Variants in CENPC observed in about 807,000 individuals in gnomAD.
The protein encoded by CENPC is CENP-C 1.
Under a neutral mutation model 112.1 loss-of-function variants are expected in CENPC, and 63 were observed. That is an observed-to-expected ratio of 0.56 (90% CI 0.46 to 0.69). The LOEUF is 0.69. CENPC is among the 30% of genes least tolerant of loss of function. The pLI is 0.00. For synonymous variants in CENPC, 333 were observed against 367.6 expected, an observed-to-expected ratio of 0.91 and a Z score of 1.08; for missense variants, 1,000 against 1,103.8, an observed-to-expected ratio of 0.91 and a Z score of 1.33.
chr4:67,474,607 A>G, intron 18 of CENPC: 1 of 316,816 alleles, frequency 3.2e-6, no homozygotes, highest in Non-Finnish European at 5.8e-6. Flanking sequence ...CTGAGGCACA[A>G]GAATCGCTTG....
Position 67,512,403 on chromosome 4 carries a change from C to T in CENPC, c.1611G>A (p.Glu537=). The change falls in exon 9 of 19, where the codon GAG becomes GAA. Residue 537 remains glutamate (E), a splice_region_variant and synonymous_variant. Coordinates refer to ENST00000273853, the MANE Select transcript of CENPC (RefSeq NM_001812.4). ...PSDWWVVKSE[E]SPVYSNSSVR... is the part of the protein sequence containing the mutation. ...CACAATTTAAATAAAAATACTTACTCTCCTCTGATTTTACCACCCACCAAT... is the reference window on the plus strand; with the variant it reads ...CACAATTTAAATAAAAATACTTACTTTCCTCTGATTTTACCACCCACCAAT... The T allele has an allele frequency of 6.3e-7, 1 of 1,580,296 alleles. No homozygotes were observed. Among genetic ancestry groups the T allele is most frequent in the Non-Finnish European group, 8.6e-7 (1 of 1,164,018 alleles).
At chr4:67,544,527 A>G (rs538479536) in intron 1 of CENPC, among the ~76,000 whole-genome samples, 24 of 152,232 alleles carry the variant, frequency 1.6e-4, no homozygotes, top group Non-Finnish European at 2.8e-4. Flanking sequence ...CTTTATGTTT[A>G]TATGTATAAC....
In CENPC at chr4:67,472,358, ATTC is replaced by A. The variant is rs1724688748; in HGVS notation, c.*244_*246del. On this transcript the variant is annotated 3_prime_UTR_variant, in exon 19 of 19. Coordinates refer to ENST00000273853, the MANE Select transcript of CENPC (RefSeq NM_001812.4). Reference sequence around the variant, plus strand: ...GAAATGTTCTATATTTCATTTTCATATTCTTGTCAAATTATAAAAATAATATCA... The same window carrying A: ...GAAATGTTCTATATTTCATTTTCATATTGTCAAATTATAAAAATAATATCA... 6 of 327,206 alleles carry A rather than the reference ATTC, an allele frequency of 1.8e-5. No individual in the cohort carries two copies. Among genetic ancestry groups the A allele is most frequent in the Non-Finnish European group, 2.5e-5 (5 of 202,490 alleles). 20.3% of individuals were successfully genotyped at this position (327,206 alleles called of 1,614,324 possible).
chr4:67,477,981 A>G (rs924643614), intron 17 of CENPC, among the ~76,000 whole-genome samples: 9 of 152,102 alleles, frequency 5.9e-5, no homozygotes, highest in Non-Finnish European at 1.3e-4. Flanking sequence ...CTTTTGAATT[A>G]ACCCAATCAA....
chr4:67,538,811 CG>C (rs990900644), intron 4 of CENPC, among the ~76,000 whole-genome samples: 1 of 152,152 alleles, frequency 6.6e-6, no homozygotes, highest in African/African-American at 2.4e-5. Context: ...CCATAAGTAA[CG>C]GGACACAGTA....
chr4:67,523,893 C>A (rs1726299480), intron 5 of CENPC, among the ~76,000 whole-genome samples: 1 of 151,872 alleles, frequency 6.6e-6, no homozygotes, highest in Admixed American at 6.6e-5. Flanking sequence ...AAAAATGGGC[C>A]ATGTCAAAGG....
chr4:67,478,709 TACCTCACATC>T (rs1560417947), intron 17 of CENPC, among the ~76,000 whole-genome samples: 9 of 150,442 alleles, frequency 6.0e-5, no homozygotes, highest in Non-Finnish European at 8.9e-5. Context: ...AACAGAACAG[TACCTCACATC>T]TCAATACTAA....
intron 5 of CENPC, among the ~76,000 whole-genome samples, chr4:67,530,229 G>A (rs7683427): frequency 6.6e-6 from 1 of 151,962 alleles, no homozygotes; most frequent in Non-Finnish European, 1.5e-5. Flanking sequence ...AAACATAAAG[G>A]TGCTCAAACT....
At chr4:67,541,802 T>C (rs891572149) in intron 2 of CENPC, among the ~76,000 whole-genome samples, 2 of 152,152 alleles carry the variant, frequency 1.3e-5, no homozygotes, top group African/African-American at 2.4e-5. Context: ...AAAGATCCTC[T>C]ATTGTCCTTT....
chr4:67,495,245 T>G, intron 12 of CENPC, 33 bp from the exon 13 acceptor site: 1 of 1,468,238 alleles, frequency 6.8e-7, no homozygotes, highest in African/African-American at 1.4e-5. Context: ...TCATAAGAAA[T>G]GACTGCTAAT....
chr4:67,514,134 T>A lies in CENPC; in HGVS notation c.1384A>T (p.Met462Leu). 6.2e-7 allele frequency: 1 copy of A among 1,610,422 alleles called. No individual in the cohort carries two copies. The highest frequency in any genetic ancestry group is 8.5e-7 in the Non-Finnish European group (1 of 1,178,654). Residue 462 changes from methionine to leucine, a missense_variant, in exon 8 of 19, where the codon ATG (methionine) becomes TTG (leucine). Met to Leu is a conservative substitution (Grantham distance 15, BLOSUM62 2). Coordinates refer to ENST00000273853, the MANE Select transcript of CENPC (RefSeq NM_001812.4). Reference sequence around the variant, plus strand: ...TTTCCCATCTCTTCATGCTCTTCCATATTTCTGTCTGAATTTCTTTGAAAT... The same window carrying A: ...TTTCCCATCTCTTCATGCTCTTCCAAATTTCTGTCTGAATTTCTTTGAAAT... ...DEFQRNSDRN[M>L]EEHEEMGNDC...
In CENPC at chr4:67,493,841, C is replaced by T. The variant is rs752000874; in HGVS notation, c.2290+43G>A. The T allele has an allele frequency of 1.7e-5, 23 of 1,380,154 alleles. 1 individual carries two copies. The South Asian group carries it at 2.7e-4, about 16-fold the overall frequency. The allele number at this position is 1,380,154 out of a possible 1,614,324, so 85.5% of individuals were successfully genotyped here. A position where few individuals can be genotyped will look rare whatever the true frequency, so the allele number is the denominator to read the frequency against. ...AGTGCAGTGTCTGGCACATAGTAAA[C>T]AAATTTTTTATTGACAGATATTATA... is the stretch of plus-strand genomic sequence containing the variant. On this transcript the variant is annotated intron_variant, in intron 14 of 18. Coordinates refer to ENST00000273853, the MANE Select transcript of CENPC (RefSeq NM_001812.4).
At chr4:67,511,780 A>G (rs1297124795) in intron 9 of CENPC, among the ~76,000 whole-genome samples, 1 of 152,048 alleles carries the variant, frequency 6.6e-6, no homozygotes, top group Non-Finnish European at 1.5e-5. Flanking sequence ...ATTTGTCACA[A>G]CTCATTGCTA....
At chr4:67,498,368 T>G (rs1414368113) in intron 12 of CENPC, among the ~76,000 whole-genome samples, 2 of 152,228 alleles carry the variant, frequency 1.3e-5, no homozygotes, top group African/African-American at 2.4e-5. Flanking sequence ...GGGGTGTCTG[T>G]GGCAGTTTCT....
At position 67,508,941 on chromosome 4, in the gene CENPC, TC is replaced by T. The variant is rs1725813309; in HGVS notation, c.1776del (p.Lys593SerfsTer3). 6.2e-7 allele frequency: 1 copy of T among 1,613,702 alleles called. No homozygotes were observed. Among genetic ancestry groups the T allele is most frequent in the Non-Finnish European group, 8.5e-7 (1 of 1,179,752 alleles). On this transcript the variant is annotated frameshift_variant, in exon 10 of 19. Coordinates refer to ENST00000273853, the MANE Select transcript of CENPC (RefSeq NM_001812.4). LOFTEE classifies it high-confidence loss of function. ...CCAGAACCTTCAGCATTTAAAAACT[TC>T]TGTACTCTTTGGTTGCCTTTAGTTG... The part of the protein sequence containing the change: ...KTATKGNQRV[Q>X]KFLNAEGSGG...
At chr4:67,493,725 T>C (rs1214710113) in intron 14 of CENPC, 159 bp downstream of exon 14, 2 of 544,746 alleles carry the variant, frequency 3.7e-6, no homozygotes, top group East Asian at 3.1e-5. Context: ...AATATCAGCA[T>C]CTCTACATTA....
intron 13 of CENPC, among the ~76,000 whole-genome samples, chr4:67,494,742 C>T (rs1476404609): frequency 6.6e-6 from 1 of 152,202 alleles, no homozygotes; most frequent in Admixed American, 6.5e-5. Flanking sequence ...TGGGCCTCTC[C>T]ATGGGTTCCA....
At chr4:67,517,668 T>C (rs1042800165) in intron 7 of CENPC, among the ~76,000 whole-genome samples, 3 of 151,732 alleles carry the variant, frequency 2.0e-5, no homozygotes, top group Non-Finnish European at 2.9e-5. Flanking sequence ...GGATATCCCA[T>C]CTCTACTAAA....
chr4:67,474,650 AT>A, intron 18 of CENPC: 1 of 399,602 alleles, frequency 2.5e-6, no homozygotes, highest in Non-Finnish European at 4.5e-6. Flanking sequence ...GTGAGCTGAG[AT>A]CGTGCCACTG....
Sources: gnomAD v4.1 joint callset for allele counts (sites outside exome capture counted in the v4.1 genomes callset) on GRCh38, gnomAD v4.1.1 for gene constraint, MANE v1.5 for transcripts, NCBI Gene and HGNC (gene_info 2026-07-23, HGNC 2026-07-21) for gene names.